The following GALNTL6 variants were observed in gnomAD, a reference collection of about 807,000 sequenced individuals.
The protein encoded by GALNTL6 is polypeptide N-acetylgalactosaminyltransferase-like 6.
In GALNTL6, 46 loss-of-function variants were observed where a neutral mutation model predicts 73.7. The ratio of observed to expected loss-of-function variants is 0.62; its 90% confidence interval spans 0.49 to 0.80. GALNTL6 has a LOEUF of 0.80. Ranked by LOEUF, GALNTL6 falls within the 30% of genes least tolerant of loss-of-function variation. GALNTL6 has a pLI of 0.00. For synonymous variants in GALNTL6, 259 were observed against 263.7 expected (o/e 0.98, Z 0.17); for missense variants, 604 against 755.0 (o/e 0.80, Z 2.34).
chr4:172,379,446 C>T (rs1579014422), intron 5 of GALNTL6, among the ~76,000 whole-genome samples: 4 of 145,804 alleles, frequency 2.7e-5, no homozygotes, highest in African/African-American at 1.0e-4. Flanking sequence ...AGGAGAATGG[C>T]GTGAACCCGG....
intron 5 of GALNTL6, among the ~76,000 whole-genome samples, chr4:172,369,923 G>A (rs1742729469): frequency 6.6e-6 from 1 of 152,232 alleles, no homozygotes; most frequent in Non-Finnish European, 1.5e-5. Flanking sequence ...CTCCCACAGT[G>A]CAGCAGCAGG....
intron 4 of GALNTL6, among the ~76,000 whole-genome samples, chr4:172,330,495 A>G (rs530719310): frequency 2.0e-4 from 30 of 152,282 alleles, no homozygotes; most frequent in South Asian, 8.3e-4. Context: ...GATGAATCCC[A>G]ATGTGTGTAC....
intron 5 of GALNTL6, among the ~76,000 whole-genome samples, chr4:172,720,329 G>A (rs1432844986): frequency 6.6e-6 from 1 of 152,146 alleles, no homozygotes; most frequent in South Asian, 2.1e-4. Flanking sequence ...CGCAAGGCCA[G>A]AGTCCCCTGC....
rs114365276 is a variant in GALNTL6 at position 172,859,509 on chromosome 4, G to A, written c.924-23281G>A. Among the ~76,000 whole-genome samples the A allele has an allele frequency of 3.9e-3, 593 of 151,974 alleles. 2 individuals are homozygous for A. The highest frequency in any genetic ancestry group is 0.014 in the African/African-American group (572 of 41,426). On this transcript the variant is annotated intron_variant, in intron 7 of 12. Coordinates refer to ENST00000506823, the MANE Select transcript of GALNTL6 (RefSeq NM_001034845.3). ...TCCTCCGAGACTTGCACCAAACAGG[G>A]GAGAGGAAATTCCTTAAAGGGAAAT...
At chr4:173,011,045 C>G (rs1241975729) in intron 11 of GALNTL6, among the ~76,000 whole-genome samples, 2 of 152,192 alleles carry the variant, frequency 1.3e-5, no homozygotes, top group Non-Finnish European at 2.9e-5. Flanking sequence ...TGGATAAAAG[C>G]CATTTCAACT....
intron 5 of GALNTL6, among the ~76,000 whole-genome samples, chr4:172,416,172 C>T (rs1730822905): frequency 6.6e-6 from 1 of 152,134 alleles, no homozygotes; most frequent in Non-Finnish European, 1.5e-5. Flanking sequence ...ATTTAGAGTG[C>T]AGGCTCAGAA....
chr4:172,203,276 T>A (rs978324750), intron 2 of GALNTL6, among the ~76,000 whole-genome samples: 3 of 152,292 alleles, frequency 2.0e-5, no homozygotes, highest in African/African-American at 7.2e-5. Context: ...AGCACTGGTA[T>A]TTCAGTAATT....
intron 5 of GALNTL6, among the ~76,000 whole-genome samples, chr4:172,407,713 A>G (rs1409793410): frequency 6.6e-6 from 1 of 152,060 alleles, no homozygotes; most frequent in Non-Finnish European, 1.5e-5. Context: ...CTGAATGATT[A>G]CATTTGACTT....
At chr4:172,280,927 A>G (rs1739023322) in intron 3 of GALNTL6, among the ~76,000 whole-genome samples, 1 of 151,808 alleles carries the variant, frequency 6.6e-6, no homozygotes, top group African/African-American at 2.4e-5. Flanking sequence ...TTGGGAGGCC[A>G]AGGTGGGTGG....
intron 2 of GALNTL6, among the ~76,000 whole-genome samples, chr4:172,122,637 A>C (rs1733183508): frequency 6.6e-6 from 1 of 152,218 alleles, no homozygotes; most frequent in South Asian, 2.1e-4. Context: ...ACACATGCTC[A>C]CTAGTGAGGA....
chr4:172,291,527 T>A (rs1306046924), intron 3 of GALNTL6, among the ~76,000 whole-genome samples: 1 of 152,178 alleles, frequency 6.6e-6, no homozygotes, highest in African/African-American at 2.4e-5. Context: ...TATTATATAC[T>A]AGTTAGCTCA....
At chr4:172,135,109 T>A (rs1240338046) in intron 2 of GALNTL6, among the ~76,000 whole-genome samples, 1 of 152,214 alleles carries the variant, frequency 6.6e-6, no homozygotes, top group Non-Finnish European at 1.5e-5. Context: ...TGCCAGCTTT[T>A]CTAAAGAGAA....
At chr4:172,492,184 T>C (rs950312368) in intron 5 of GALNTL6, among the ~76,000 whole-genome samples, 1 of 152,186 alleles carries the variant, frequency 6.6e-6, no homozygotes, top group African/African-American at 2.4e-5. Context: ...CAAATGACTT[T>C]TATGTAGATC....
chr4:171,921,275 T>C (rs538489011), intron 2 of GALNTL6, among the ~76,000 whole-genome samples: 19 of 152,246 alleles, frequency 1.2e-4, no homozygotes, highest in African/African-American at 4.3e-4. Context: ...TTACTGACTA[T>C]GTGTCGACCA....
In GALNTL6 at chr4:172,206,084, G is replaced by C. The variant is rs543194863; in HGVS notation, c.139-23572G>C. 1.1e-4 allele frequency among the ~76,000 whole-genome samples: 16 copies of C among 152,096 alleles called. 1 individual carries two copies. Among genetic ancestry groups the C allele is most frequent in the Admixed American group, 4.6e-4 (7 of 15,272 alleles). The stretch of plus-strand genomic sequence containing the variant: ...TATATGTTTAGCTGTATGTATGTAT[G>C]TGTATCTGGAGATCTAAACAAAGAG... On this transcript the variant is annotated intron_variant, in intron 2 of 12. Transcript: ENST00000506823.
chr4:172,761,489 G>C (rs9994254), intron 5 of GALNTL6, among the ~76,000 whole-genome samples: 6,802 of 152,198 alleles, frequency 0.045, 271 homozygotes, highest in African/African-American at 0.1. Flanking sequence ...GATATAGTTT[G>C]GTTCTGTGTC....
chr4:172,536,980 T>C (rs1019577237), intron 5 of GALNTL6, among the ~76,000 whole-genome samples: 1 of 152,204 alleles, frequency 6.6e-6, no homozygotes, highest in Admixed American at 6.5e-5. Flanking sequence ...ATGGGACTTG[T>C]AGCCCCTTTG....
intron 2 of GALNTL6, among the ~76,000 whole-genome samples, chr4:172,066,535 C>T (rs1566948): frequency 0.4 from 56,687 of 142,390 alleles, 11,267 homozygotes; most frequent in African/African-American, 0.44. Context: ...CTGACCTGGA[C>T]TTTTTTTTTT....
Position 171,939,093 on chromosome 4 carries a change from G to GAA in GALNTL6, c.138+124384_138+124385dup, listed in dbSNP as rs11393589. On this transcript the variant is annotated intron_variant, in intron 2 of 12. Coordinates refer to ENST00000506823, the MANE Select transcript of GALNTL6 (RefSeq NM_001034845.3). ...ACCAAAAAAACAGATATTTAAAATG[G>GAA]AAAAAAAAAACAATTAAATCTAATT... 1.8e-3 allele frequency among the ~76,000 whole-genome samples: 264 copies of GAA among 149,006 alleles called. 4 individuals carry two copies. The highest frequency in any genetic ancestry group is 2.8e-3 in the South Asian group (13 of 4,704).
Sources: allele counts gnomAD v4.1 joint callset (sites outside exome capture counted in the v4.1 genomes callset), GRCh38; gene constraint gnomAD v4.1.1; transcripts MANE v1.5; gene names NCBI Gene and HGNC (gene_info 2026-07-23, HGNC 2026-07-21).